Variants in LMTK2 observed in about 807,000 individuals in gnomAD.
The protein encoded by LMTK2 is serine/threonine-protein kinase LMTK2.
LMTK2 carries 37 observed loss-of-function variants against 127.5 expected under a neutral mutation model. The ratio of observed to expected loss-of-function variants is 0.29; its 90% CI spans 0.22 to 0.38. The LOEUF (loss-of-function observed/expected upper bound fraction) is 0.38. Among genes scored for constraint, LMTK2 ranks in the 10% least tolerant of loss-of-function variants. LMTK2 has a pLI of 1.00. For missense variants in LMTK2, 1,694 were observed against 1,920.3 expected (o/e 0.88, Z 2.20); for synonymous variants, 819 against 810.1 (o/e 1.01, Z -0.19).
Position 98,203,868 on chromosome 7 carries a change from C to T in LMTK2, c.4241-76C>T, listed in dbSNP as rs534836842. 212 of 1,588,776 alleles carry T rather than the reference C, an allele frequency of 1.3e-4. No homozygotes were observed. In the African/African-American group the frequency reaches 1.9e-3, roughly 14 times the overall value. ...GGGCTGTGTCTTCCGACCTGCAGGG[C>T]GCACCTGCCCAGAGGCTCCCCCTCT... On this transcript the variant is annotated intron_variant, in intron 12 of 13. Transcript: ENST00000297293.
At chr7:98,151,588 C>A in intron 4 of LMTK2, 133 bp downstream of exon 4, 1 of 663,860 alleles carries the variant, frequency 1.5e-6, no homozygotes, top group Non-Finnish European at 2.5e-6. Context: ...TTTCCCCATT[C>A]CCCCTGTGGC....
In LMTK2 at chr7:98,150,153, C is replaced by T. The variant is rs183617096; in HGVS notation, c.377-1229C>T. The stretch of plus-strand genomic sequence containing the variant: ...TGAAACCCTGTCTCTACTAAAAATA[C>T]AAAAAGTAGTCGGGCGTGGTAGCAG... On this transcript the variant is annotated intron_variant, in intron 3 of 13. Coordinates refer to ENST00000297293, the MANE Select transcript of LMTK2 (RefSeq NM_014916.4). Among the ~76,000 whole-genome samples the T allele has an allele frequency of 3.2e-3, 483 of 151,962 alleles. 2 individuals are homozygous for T. Among genetic ancestry groups the T allele is most frequent in the Non-Finnish European group, 5.2e-3 (355 of 67,928 alleles).
chr7:98,194,518 G>A lies in LMTK2; in HGVS notation c.4053G>A (p.Lys1351=). 1 of 1,612,452 alleles carries A rather than the reference G, an allele frequency of 6.2e-7. No individual in the cohort carries two copies. The highest frequency in any genetic ancestry group is 1.6e-4 in the Middle Eastern group (1 of 6,062). The part of the protein sequence containing the change: ...APDPLPEDWK[K]EKKAVTFFDD... ...ACCCACTGCCCGAGGACTGGAAGAA[G>A]GAAAAGAAGGCAGTCACGTTTTTCG... Residue 1351 remains lysine (K), a synonymous_variant, in exon 11 of 14, where the codon AAG becomes AAA. Coordinates refer to ENST00000297293, the MANE Select transcript of LMTK2 (RefSeq NM_014916.4). The surrounding 1 kb of genome is among the most constrained non-coding windows in gnomAD (Gnocchi z 5.4).
At chr7:98,165,970 G>A (rs1797091876) in intron 6 of LMTK2, among the ~76,000 whole-genome samples, 1 of 152,060 alleles carries the variant, frequency 6.6e-6, no homozygotes, top group South Asian at 2.1e-4. Context: ...TTGGGTCGGG[G>A]GTACGTTCCC....
At position 98,192,954 on chromosome 7, in the gene LMTK2, C is replaced by A. The variant is rs1407220534; in HGVS notation, c.2489C>A (p.Pro830His). The change falls in exon 11 of 14, where the codon CCC (proline) becomes CAC (histidine). Residue 830 changes from proline to histidine, a missense_variant. Transcript: ENST00000297293. Reference protein sequence around the residue: ...FETEETPRRVPPDSLPTQGET... With the variant: ...FETEETPRRVHPDSLPTQGET... ...ACAGAAGAAACGCCCCGTCGGGTAC[C>A]CCCAGACTCACTCCCAACACAGGGA... The A allele has an allele frequency of 1.2e-6, 2 of 1,613,974 alleles. No homozygotes were observed. Among genetic ancestry groups the A allele is most frequent in the Non-Finnish European group, 1.7e-6 (2 of 1,180,036 alleles).
chr7:98,172,399 G>C (rs1797208261), intron 7 of LMTK2, among the ~76,000 whole-genome samples: 1 of 151,492 alleles, frequency 6.6e-6, no homozygotes, highest in African/African-American at 2.4e-5. Flanking sequence ...CCACCTCCCG[G>C]GTTCACGCCT....
intron 3 of LMTK2, among the ~76,000 whole-genome samples, chr7:98,146,140 C>A (rs1294440856): frequency 6.6e-6 from 1 of 152,120 alleles, no homozygotes; most frequent in South Asian, 2.1e-4. Context: ...TATTTCTGGA[C>A]TCTCGGCTGT....
chr7:98,107,162 C>A lies in LMTK2; in HGVS notation c.-16C>A. 1 of 1,429,108 alleles carries A rather than the reference C, an allele frequency of 7.0e-7. No homozygotes were observed. The allele number at this position is 1,429,108 out of a possible 1,614,324, so 88.5% of individuals were successfully genotyped here. ...GGCGACTCGAGGGCCGGCCCCGGAGCCGCGCCGTGGGCGAGATGCCGGGGC... is the reference window on the plus strand; with the variant it reads ...GGCGACTCGAGGGCCGGCCCCGGAGACGCGCCGTGGGCGAGATGCCGGGGC... On this transcript the variant is annotated 5_prime_UTR_variant, in exon 1 of 14. Transcript: ENST00000297293.
intron 1 of LMTK2, among the ~76,000 whole-genome samples, chr7:98,119,147 A>G (rs1432728451): frequency 6.6e-6 from 1 of 152,020 alleles, no homozygotes; most frequent in Non-Finnish European, 1.5e-5. Flanking sequence ...TAACCAGCTG[A>G]ATCAAAATGC....
In LMTK2 at chr7:98,192,464, G is replaced by A. The variant is rs1167036853; in HGVS notation, c.1999G>A (p.Ala667Thr). The change falls in exon 11 of 14, where the codon GCC becomes ACC. Residue 667 changes from alanine (A) to threonine (T), a missense_variant. Transcript: ENST00000297293. ...CGGAGTTCAAGCCGACTTTAAACCT[G>A]CCACTTTAAGTTCCAGTTTGGATAA... ...LNGVQADFKP[A>T]TLSSSLDNPK... 3 of 1,611,610 alleles carry A rather than the reference G, an allele frequency of 1.9e-6. No homozygotes were observed. The highest frequency in any genetic ancestry group is 1.7e-5 in the Admixed American group (1 of 59,280).
Position 98,204,098 on chromosome 7 carries a change from G to T in LMTK2, c.4395G>T (p.Ser1465=). ...ARSTEQSWPH[S]APYSRFSISP... Reference sequence around the variant, plus strand: ...GCACGGAGCAGAGCTGGCCGCACTCGGCGCCTTACTCCCGGTTCTCCATCT... The same window carrying T: ...GCACGGAGCAGAGCTGGCCGCACTCTGCGCCTTACTCCCGGTTCTCCATCT... Residue 1465 remains serine, a synonymous_variant, in exon 13 of 14, where the codon TCG becomes TCT. Transcript: ENST00000297293. 6.2e-7 allele frequency: 1 copy of T among 1,613,286 alleles called. No individual in the cohort carries two copies. Among genetic ancestry groups the T allele is most frequent in the Non-Finnish European group, 8.5e-7 (1 of 1,180,022 alleles).
intron 1 of LMTK2, among the ~76,000 whole-genome samples, chr7:98,118,147 A>G (rs1796313463): frequency 6.6e-6 from 1 of 152,212 alleles, no homozygotes; most frequent in African/African-American, 2.4e-5. Flanking sequence ...GACTCTGTCC[A>G]TGTTTTCTCC....
chr7:98,201,453 A>G (rs1797702863), intron 11 of LMTK2, among the ~76,000 whole-genome samples: 1 of 152,150 alleles, frequency 6.6e-6, no homozygotes. Flanking sequence ...AAGGTTTTGG[A>G]TTTTGGAGCA....
At chr7:98,111,372 C>T (rs968143329) in intron 1 of LMTK2, among the ~76,000 whole-genome samples, 1 of 152,110 alleles carries the variant, frequency 6.6e-6, no homozygotes, top group Non-Finnish European at 1.5e-5. Context: ...ACAAATGAGT[C>T]CTCAAAAAAG....
intron 11 of LMTK2, among the ~76,000 whole-genome samples, chr7:98,202,531 A>G (rs1797718440): frequency 6.6e-6 from 1 of 152,162 alleles, no homozygotes; most frequent in Non-Finnish European, 1.5e-5. Context: ...TGCCATGTGT[A>G]AATGCTGTGA....
intron 9 of LMTK2, 114 bp downstream of exon 9, chr7:98,187,112 T>C (rs1050494393): frequency 1.1e-6 from 1 of 916,942 alleles, no homozygotes; most frequent in Non-Finnish European, 1.6e-6. Flanking sequence ...AACAAAAGAG[T>C]ATCTGATGGT....
At chr7:98,204,236 G>GCCCCCCCCC in intron 13 of LMTK2, 50 bp downstream of exon 13, 1 of 759,160 alleles carries the variant, frequency 1.3e-6, no homozygotes, top group Non-Finnish European at 2.3e-6. Context: ...CGGGGGTGGG[G>GCCCCCCCCC]CGCTGCAGCT....
intron 7 of LMTK2, among the ~76,000 whole-genome samples, chr7:98,176,670 T>A (rs1208565257): frequency 1.3e-5 from 2 of 151,604 alleles, no homozygotes; most frequent in Non-Finnish European, 2.9e-5. Context: ...CATGGTGAAA[T>A]CCCATCTCTA....
chr7:98,155,417 G>A (rs1796913210), intron 5 of LMTK2, among the ~76,000 whole-genome samples: 2 of 152,056 alleles, frequency 1.3e-5, no homozygotes, highest in Admixed American at 6.6e-5. Context: ...TTCTACATTT[G>A]GAAAAGAAAA....
Sources: gnomAD v4.1 joint callset for allele counts (sites outside exome capture counted in the v4.1 genomes callset) on GRCh38, gnomAD v4.1.1 for gene constraint, Gnocchi (gnomAD v3.1) non-coding constraint, MANE v1.5 for transcripts, NCBI Gene and HGNC (gene_info 2026-07-23, HGNC 2026-07-21) for gene names.